ARL10: variants seen among roughly 807,000 people sequenced by gnomAD.
ARL10 encodes ARF like GTPase 10, also known as ADP-ribosylation factor-like protein 10.
ARL10 carries 23 observed loss-of-function variants against 26.1 expected under a neutral mutation model. The ratio of observed to expected loss-of-function variants is 0.88; its 90% confidence interval spans 0.63 to 1.25. The LOEUF is 1.25. ARL10 is among the 50% of genes most tolerant of loss of function. The pLI, the probability that ARL10 is intolerant of heterozygous loss-of-function variation, is 0.00. For missense variants in ARL10, 300 were observed against 323.6 expected (o/e 0.93, Z 0.56); for synonymous variants, 138 against 149.1 (o/e 0.93, Z 0.54).
chr5:176,365,514 C>G lies in ARL10; in HGVS notation c.-50C>G. ...TCGCAGCGGGGCCATCTTCGGCGGGCGAGTGGGCTCGGCCTGTGCAACCCG... is the reference window on the plus strand; with the variant it reads ...TCGCAGCGGGGCCATCTTCGGCGGGGGAGTGGGCTCGGCCTGTGCAACCCG... On this transcript the variant is annotated 5_prime_UTR_variant, in exon 1 of 4. Coordinates refer to ENST00000310389, the MANE Select transcript of ARL10 (RefSeq NM_173664.6). 3 of 1,204,430 alleles carry G rather than the reference C, an allele frequency of 2.5e-6. No homozygotes were observed. Among genetic ancestry groups the G allele is most frequent in the Non-Finnish European group, 3.1e-6 (3 of 967,944 alleles). 74.6% of individuals were successfully genotyped at this position (1,204,430 alleles called of 1,614,324 possible).
At chr5:176,408,731 G>C in the ARL10 span, among the ~76,000 whole-genome samples, 1 of 152,212 alleles carries the variant, frequency 6.6e-6, no homozygotes, top group Non-Finnish European at 1.5e-5. Flanking sequence ...ATGTTGCCCA[G>C]TTTGGTCTCA....
At chr5:176,391,780 C>T (rs1756270649), downstream of ARL10, among the ~76,000 whole-genome samples, 1 of 152,208 alleles carries the variant, frequency 6.6e-6, no homozygotes, top group African/African-American at 2.4e-5. Context: ...TTCCCCAGCT[C>T]CTTCAGAGGG....
In ARL10 at chr5:176,396,679, A is replaced by C. The variant is rs575906177; in HGVS notation, c.134-5062A>C. 24 of 709,554 alleles carry C rather than the reference A, an allele frequency of 3.4e-5. 2 individuals are homozygous for C. Among genetic ancestry groups the C allele is most frequent in the South Asian group, 3.2e-4 (21 of 66,028 alleles). 44.0% of individuals were successfully genotyped at this position (709,554 alleles called of 1,614,324 possible). On this transcript the variant is annotated intron_variant, in intron 1 of 1. Transcript: ENST00000514533. The stretch of plus-strand genomic sequence containing the variant: ...TAGGAAGCATAGTTCTGGAAGGCTC[A>C]GCAACGACCCACAGCCCCAAACAGG...
intron 3 of ARL10, among the ~76,000 whole-genome samples, chr5:176,369,561 T>C (rs377630774): frequency 6.6e-6 from 1 of 152,296 alleles, no homozygotes; most frequent in African/African-American, 2.4e-5. Flanking sequence ...TAACATTTCT[T>C]CTTATGCTTC....
At chr5:176,366,680 A>G in intron 2 of ARL10, 99 bp downstream of exon 2, 1 of 1,360,540 alleles carries the variant, frequency 7.4e-7, no homozygotes, top group Non-Finnish European at 1.0e-6. Context: ...TCTAAGCAGC[A>G]CATTCCCCTC....
Position 176,387,701 on chromosome 5 carries a change from G to A in ARL10, c.37-594G>A, listed in dbSNP as rs3792914. On this transcript the variant is annotated intron_variant, in intron 1 of 1. Transcript: ENST00000503175. ...CCAGGGGGCCAGGCGGATCACTTGAGGCCCAGCCTGGCCAACATAGCGAAA... is the reference window on the plus strand; with the variant it reads ...CCAGGGGGCCAGGCGGATCACTTGAAGCCCAGCCTGGCCAACATAGCGAAA... 1.6e-3 allele frequency among the ~76,000 whole-genome samples: 242 copies of A among 152,288 alleles called. 5 individuals are homozygous for A. The East Asian group carries it at 0.038, about 24-fold the overall frequency.
downstream of ARL10, chr5:176,384,377 A>G (rs1366285847): frequency 1.2e-6 from 2 of 1,610,106 alleles, no homozygotes; most frequent in South Asian, 2.2e-5. Context: ...GCCATGGCCT[A>G]AGAGGAGAAG....
chr5:176,377,069 G>A lies in ARL10; in HGVS notation c.*5174G>A, dbSNP rs1460089981. ...GAGAGTAGGAACTACGTGAAGTTCT[G>A]TTAGGAGCACAGGCTTTCTAGTAAC... On this transcript the variant is annotated 3_prime_UTR_variant, in exon 4 of 4. Transcript: ENST00000310389. This position sits in a 1 kb window ranked among gnomAD's most constrained non-coding sequence, Gnocchi z 4.5. 1 of 152,220 alleles carries A rather than the reference G, an allele frequency of 6.6e-6. No individual in the cohort carries two copies. The highest frequency in any genetic ancestry group is 1.5e-5 in the Non-Finnish European group (1 of 68,038). 9.4% of individuals were successfully genotyped at this position (152,220 alleles called of 1,614,324 possible). A position where few individuals can be genotyped will look rare whatever the true frequency, so the allele number is the denominator to read the frequency against.
At position 176,366,496 on chromosome 5, in the gene ARL10, G is replaced by A. The variant is rs201787452; in HGVS notation, c.300G>A (p.Lys100=). 69 of 1,614,086 alleles carry A rather than the reference G, an allele frequency of 4.3e-5. No individual in the cohort carries two copies. The highest frequency in any genetic ancestry group is 3.3e-4 in the Middle Eastern group (2 of 6,058). The part of the protein sequence containing the change: ...KSTFLRVLSG[K]PPLEGHIPTW... ...CGTTCCTGCGCGTGTTGTCGGGGAA[G>A]CCACCGCTGGAAGGCCACATCCCCA... Residue 100 remains lysine (K), a synonymous_variant, in exon 2 of 4, where the codon AAG becomes AAA. Coordinates refer to ENST00000310389, the MANE Select transcript of ARL10 (RefSeq NM_173664.6).
In ARL10 at chr5:176,394,556, G is replaced by A. The variant is rs566110710; in HGVS notation, c.134-7185G>A. 9.2e-5 allele frequency among the ~76,000 whole-genome samples: 14 copies of A among 151,894 alleles called. No homozygotes were observed. In the South Asian group the frequency reaches 2.7e-3, roughly 29 times the overall value. Reference sequence around the variant, plus strand: ...GGTGTGGCCAGGCGCGGTGGCTCATGCCTGTAATCCCAGCACTTTGGGAGG... The same window carrying A: ...GGTGTGGCCAGGCGCGGTGGCTCATACCTGTAATCCCAGCACTTTGGGAGG... On this transcript the variant is annotated intron_variant, in intron 1 of 1. Transcript: ENST00000514533.
chr5:176,386,657 T>G (rs1561782948), downstream of ARL10: 3 of 697,280 alleles, frequency 4.3e-6, no homozygotes, highest in Non-Finnish European at 7.9e-6. Flanking sequence ...GGTCAGGGTT[T>G]AGTCAGTACA....
rs1756782457 is a variant in ARL10, at chr5:176,400,855, CA to C, written c.134-883del. Among the ~76,000 whole-genome samples, 2 of 152,318 alleles carry C rather than the reference CA, an allele frequency of 1.3e-5. 1 individual carries two copies. Among genetic ancestry groups the C allele is most frequent in the African/African-American group, 4.8e-5 (2 of 41,564 alleles). ...GCTCAGTAAGCAGTGGCTGAATGAG[CA>C]AAGACCCCTGGAGCCAGCAGGCACC... On this transcript the variant is annotated intron_variant, in intron 1 of 1. Transcript: ENST00000514533.
chr5:176,404,336 T>C (rs547749237), downstream of ARL10, among the ~76,000 whole-genome samples: 1 of 152,302 alleles, frequency 6.6e-6, no homozygotes, highest in East Asian at 1.9e-4. Context: ...CACCCTCAGC[T>C]CGCCTAGGGG....
chr5:176,371,204 G>A (rs564634167), intron 3 of ARL10, among the ~76,000 whole-genome samples: 11 of 152,062 alleles, frequency 7.2e-5, no homozygotes, highest in Admixed American at 2.0e-4. Flanking sequence ...GCGAAACCCC[G>A]TCTCTACTAA....
intron 1 of ARL10, 85 bp downstream of exon 1, chr5:176,365,831 C>T (rs1329824432): frequency 1.6e-6 from 2 of 1,212,668 alleles, no homozygotes; most frequent in Non-Finnish European, 1.0e-6. Flanking sequence ...GACCACGGAA[C>T]GGCCCTGCTG....
At chr5:176,409,874 G>A in the ARL10 span, among the ~76,000 whole-genome samples, 44 of 152,352 alleles carry the variant, frequency 2.9e-4, no homozygotes, top group East Asian at 8.1e-3. Flanking sequence ...AATTCTGGAA[G>A]TGGAATCTCT....
At chr5:176,403,821 G>A (rs1471513389), downstream of ARL10, among the ~76,000 whole-genome samples, 4 of 152,100 alleles carry the variant, frequency 2.6e-5, no homozygotes, top group Non-Finnish European at 4.4e-5. Context: ...GTACAGTGGC[G>A]TGATCTCTGC....
At chr5:176,385,226 A>T (rs531236625), downstream of ARL10, 3 of 1,594,374 alleles carry the variant, frequency 1.9e-6, no homozygotes, top group South Asian at 3.3e-5. Flanking sequence ...CTCACCTTAT[A>T]GTCCTCCCCG....
At chr5:176,392,861 G>C (rs1756319928), downstream of ARL10, 1 of 1,614,116 alleles carries the variant, frequency 6.2e-7, no homozygotes, top group African/African-American at 1.3e-5. This position sits in a 1 kb window ranked among gnomAD's most constrained non-coding sequence, Gnocchi z 5.2. Context: ...TCTTGGGGTT[G>C]AAGTCACATA....
Sources: gnomAD v4.1 joint callset for allele counts (sites outside exome capture counted in the v4.1 genomes callset) on GRCh38, gnomAD v4.1.1 for gene constraint, Gnocchi (gnomAD v3.1) non-coding constraint, MANE v1.5 for transcripts, NCBI Gene and HGNC (gene_info 2026-07-23, HGNC 2026-07-21) for gene names.